Variants in NR6A1 observed in about 807,000 individuals in gnomAD.
NR6A1 encodes the protein retinoic acid receptor-related testis-associated receptor.
In NR6A1, 7 loss-of-function variants were observed where a neutral mutation model predicts 59.1. That is an observed-to-expected ratio of 0.12 (90% CI 0.07 to 0.22). NR6A1 has a LOEUF of 0.22. NR6A1 is among the 10% of genes least tolerant of loss of function. The probability of loss-of-function intolerance (pLI) is 1.00; values close to 1 mark genes in which losing one functional copy is unlikely to be tolerated. For synonymous variants in NR6A1, 243 were observed against 236.1 expected, an observed-to-expected ratio of 1.03 and a Z score of -0.27; for missense variants, 468 against 611.6, an observed-to-expected ratio of 0.77 and a Z score of 2.48.
Position 124,526,770 on chromosome 9 carries a change from G to C in NR6A1, c.1201+9C>G. The C allele has an allele frequency of 6.2e-7, 1 of 1,612,732 alleles. No individual in the cohort carries two copies. Among genetic ancestry groups the C allele is most frequent in the Non-Finnish European group, 8.5e-7 (1 of 1,179,032 alleles). Reference sequence around the variant, plus strand: ...TGCAAACGTCCCTTTTCCCACCCCAGCCACTCACCTTGATTTAGGAAGTTA... The same window carrying C: ...TGCAAACGTCCCTTTTCCCACCCCACCCACTCACCTTGATTTAGGAAGTTA... On this transcript the variant is annotated intron_variant, in intron 8 of 9. Coordinates refer to ENST00000487099, the MANE Select transcript of NR6A1 (RefSeq NM_033334.4).
At chr9:124,770,610 A>C (rs541414024) in intron 1 of NR6A1, among the ~76,000 whole-genome samples, 102 of 141,724 alleles carry the variant, frequency 7.2e-4, no homozygotes, top group African/African-American at 2.4e-3. Context: ...CGCGGTGGGG[A>C]CTTCCAACCT....
intron 2 of NR6A1, among the ~76,000 whole-genome samples, chr9:124,716,707 C>T (rs1380858596): frequency 6.6e-6 from 1 of 152,240 alleles, no homozygotes; most frequent in African/African-American, 2.4e-5. Context: ...TCTTGGCTCA[C>T]TGCAACCTCC....
At position 124,557,207 on chromosome 9, in the gene NR6A1, C is replaced by G. The variant is rs572584788; in HGVS notation, c.143-2637G>C. Among the ~76,000 whole-genome samples the G allele has an allele frequency of 1.1e-3, 175 of 152,296 alleles. 1 individual carries two copies. Among genetic ancestry groups the G allele is most frequent in the African/African-American group, 3.8e-3 (159 of 41,562 alleles). Reference sequence around the variant, plus strand: ...GCAGTAGCGCGATCTTGGCTCACTGCAACCTCTGCCTCCCAGGTCCCGGTT... The same window carrying G: ...GCAGTAGCGCGATCTTGGCTCACTGGAACCTCTGCCTCCCAGGTCCCGGTT... On this transcript the variant is annotated intron_variant, in intron 2 of 9. Transcript: ENST00000487099.
At chr9:124,540,254 A>G in intron 4 of NR6A1, 67 bp from the exon 5 acceptor site, 1 of 1,495,570 alleles carries the variant, frequency 6.7e-7, no homozygotes. Context: ...CAGGACTGAG[A>G]GCTTATTTAA....
rs189584109 is a variant in NR6A1, at chr9:124,704,182, T to C, written c.142+29126A>G. On this transcript the variant is annotated intron_variant, in intron 2 of 9. Coordinates refer to ENST00000487099, the MANE Select transcript of NR6A1 (RefSeq NM_033334.4). Reference sequence around the variant, plus strand: ...ATAAAGTTGATCATGGCAAATCCCTTATAATCCTTTCAATTTCTGTGGGTA... The same window carrying C: ...ATAAAGTTGATCATGGCAAATCCCTCATAATCCTTTCAATTTCTGTGGGTA... Among the ~76,000 whole-genome samples the C allele has an allele frequency of 8.5e-5, 13 of 152,354 alleles. No individual in the cohort carries two copies. In the East Asian group the frequency reaches 2.5e-3, roughly 29 times the overall value.
chr9:124,561,315 G>A (rs917328843), intron 2 of NR6A1, among the ~76,000 whole-genome samples: 5 of 151,888 alleles, frequency 3.3e-5, no homozygotes, highest in Non-Finnish European at 7.4e-5. Flanking sequence ...TGCGCCTATA[G>A]TCCCAGCTAC....
intron 2 of NR6A1, among the ~76,000 whole-genome samples, chr9:124,565,158 G>GA (rs1171298801): frequency 2.6e-5 from 4 of 152,148 alleles, no homozygotes; most frequent in Non-Finnish European, 5.9e-5. Context: ...GCCAGGTGTG[G>GA]AGGCTCACAC....
intron 2 of NR6A1, among the ~76,000 whole-genome samples, chr9:124,678,232 G>A (rs1187192775): frequency 2.0e-5 from 3 of 152,136 alleles, no homozygotes; most frequent in Non-Finnish European, 2.9e-5. Context: ...CTTCCTAAAA[G>A]AGCTAGATTC....
At chr9:124,617,774 G>A (rs888498152) in intron 2 of NR6A1, among the ~76,000 whole-genome samples, 4 of 152,162 alleles carry the variant, frequency 2.6e-5, no homozygotes, top group African/African-American at 9.7e-5. Flanking sequence ...CACAGAACAT[G>A]CTAACCAGGG....
At chr9:124,756,407 A>C (rs1441913416) in intron 1 of NR6A1, among the ~76,000 whole-genome samples, 1 of 152,246 alleles carries the variant, frequency 6.6e-6, no homozygotes, top group Non-Finnish European at 1.5e-5. Flanking sequence ...AATGATCTTC[A>C]AATGTTCATG....
chr9:124,747,286 C>T (rs958291729), intron 1 of NR6A1, among the ~76,000 whole-genome samples: 8 of 150,704 alleles, frequency 5.3e-5, no homozygotes, highest in African/African-American at 1.7e-4. Flanking sequence ...ACCTCCCAGG[C>T]TCAAGGGATC....
intron 2 of NR6A1, among the ~76,000 whole-genome samples, chr9:124,701,062 ACATACAGTCTT>A (rs1838935405): frequency 2.6e-5 from 4 of 152,164 alleles, no homozygotes; most frequent in Admixed American, 2.6e-4. Flanking sequence ...CACCTGGCCT[ACATACAGTCTT>A]TGTATGGACA....
chr9:124,589,093 G>T (rs1835026336), intron 2 of NR6A1, among the ~76,000 whole-genome samples: 1 of 152,154 alleles, frequency 6.6e-6, no homozygotes, highest in South Asian at 2.1e-4. Flanking sequence ...TCGAATAAAA[G>T]AGTCGAGGAT....
chr9:124,703,842 T>C (rs1038347049), intron 2 of NR6A1, among the ~76,000 whole-genome samples: 1 of 147,086 alleles, frequency 6.8e-6, no homozygotes, highest in South Asian at 2.2e-4. Flanking sequence ...TTTTTTTTTT[T>C]AAGATGGTAG....
intron 2 of NR6A1, among the ~76,000 whole-genome samples, chr9:124,619,172 G>C (rs962896594): frequency 1.2e-4 from 18 of 152,086 alleles, no homozygotes; most frequent in Non-Finnish European, 2.5e-4. Context: ...TTAAAACAAT[G>C]AGACAGATCC....
chr9:124,672,926 TAA>T (rs895718242), intron 2 of NR6A1, among the ~76,000 whole-genome samples: 16 of 151,932 alleles, frequency 1.1e-4, no homozygotes, highest in African/African-American at 3.1e-4. Context: ...GACAGAAAAA[TAA>T]AAGACATTTG....
chr9:124,735,969 A>T (rs932899604), intron 1 of NR6A1, among the ~76,000 whole-genome samples: 1 of 152,224 alleles, frequency 6.6e-6, no homozygotes, highest in Non-Finnish European at 1.5e-5. Context: ...ATGTGAATTC[A>T]GGGGGATCAC....
At chr9:124,560,175 T>C (rs1834043009) in intron 2 of NR6A1, among the ~76,000 whole-genome samples, 1 of 152,218 alleles carries the variant, frequency 6.6e-6, no homozygotes, top group Non-Finnish European at 1.5e-5. Flanking sequence ...ACATATTTAA[T>C]TCACATCTGT....
chr9:124,553,928 A>C (rs1833856465), intron 3 of NR6A1, among the ~76,000 whole-genome samples: 1 of 152,172 alleles, frequency 6.6e-6, no homozygotes. Flanking sequence ...ACTTCTGAGC[A>C]TGCCTAGCCT....
Sources: gnomAD v4.1 joint callset for allele counts (sites outside exome capture counted in the v4.1 genomes callset) on GRCh38, gnomAD v4.1.1 for gene constraint, MANE v1.5 for transcripts, NCBI Gene and HGNC (gene_info 2026-07-23, HGNC 2026-07-21) for gene names.